PCDH15: variants seen among roughly 807,000 people sequenced by gnomAD.
PCDH15 encodes the protein protocadherin related 15.
A neutral mutation model predicts 178.5 loss-of-function variants in PCDH15; 129 were observed. The observed-to-expected ratio is 0.72, with a 90% confidence interval of 0.63 to 0.84. The LOEUF (loss-of-function observed/expected upper bound fraction) is 0.84. Among genes scored for constraint, PCDH15 ranks in the 40% least tolerant of loss-of-function variants. The pLI is 0.00. For synonymous variants in PCDH15, 800 were observed against 732.0 expected, an observed-to-expected ratio of 1.09 and a Z score of -1.50; for missense variants, 2,230 against 2,099.9, an observed-to-expected ratio of 1.06 and a Z score of -1.21.
At chr10:54,517,697 T>A (rs889854906) in intron 3 of PCDH15, among the ~76,000 whole-genome samples, 3 of 152,166 alleles carry the variant, frequency 2.0e-5, no homozygotes, top group African/African-American at 7.2e-5. Context: ...AACTCATCTC[T>A]GCACCAAGAG....
chr10:55,129,779 T>C (rs1240991999), intron 2 of PCDH15, among the ~76,000 whole-genome samples: 1 of 152,106 alleles, frequency 6.6e-6, no homozygotes, highest in Non-Finnish European at 1.5e-5. Context: ...TTTGCCCAAC[T>C]TGGTTCCAGG....
At chr10:54,568,439 A>T (rs889765011) in intron 2 of PCDH15, 1 of 152,088 alleles carries the variant, frequency 6.6e-6, no homozygotes, top group Non-Finnish European at 1.5e-5. Flanking sequence ...CAAAAAATGG[A>T]CTTTGTAGAC....
intron 3 of PCDH15, among the ~76,000 whole-genome samples, chr10:54,392,548 T>C (rs1170196972): frequency 1.3e-5 from 2 of 151,078 alleles, no homozygotes; most frequent in African/African-American, 4.9e-5. Flanking sequence ...TATACTTCTG[T>C]CCTTAGATCA....
chr10:54,176,934 G>A (rs1449263078), intron 13 of PCDH15, among the ~76,000 whole-genome samples: 1 of 145,086 alleles, frequency 6.9e-6, no homozygotes, highest in African/African-American at 2.7e-5. Context: ...TTACCAAAAG[G>A]ATTTGAAAAT....
chr10:54,653,831 CAGTT>C (rs777505786), intron 2 of PCDH15, among the ~76,000 whole-genome samples: 22 of 152,272 alleles, frequency 1.4e-4, no homozygotes, highest in Non-Finnish European at 2.6e-4. Context: ...AATGTTTTAA[CAGTT>C]AGTCAATTAG....
rs2086530690 is a variant in PCDH15, at chr10:53,945,890, T to C, written c.3123-4915A>G. 2.8e-5 allele frequency among the ~76,000 whole-genome samples: 4 copies of C among 144,296 alleles called. No individual in the cohort carries two copies. The South Asian group carries it at 8.8e-4, about 32-fold the overall frequency. 94.7% of individuals were successfully genotyped at this position (144,296 alleles called of 152,430 possible). ...ATATATATATATATATATCACATTT[T>C]CTTTATCCATTCATTCACTGATAGA... is the stretch of plus-strand genomic sequence containing the variant. On this transcript the variant is annotated intron_variant, in intron 23 of 37. Coordinates refer to ENST00000644397, the MANE Select transcript of PCDH15 (RefSeq NM_001384140.1).
intron 2 of PCDH15, among the ~76,000 whole-genome samples, chr10:54,995,838 T>A (rs1839630156): frequency 6.6e-6 from 1 of 152,050 alleles, no homozygotes; most frequent in African/African-American, 2.4e-5. Flanking sequence ...ACCTGTTGTC[T>A]GTTGACAAAC....
intron 27 of PCDH15, among the ~76,000 whole-genome samples, chr10:53,862,663 G>A (rs1405590252): frequency 1.3e-5 from 2 of 152,050 alleles, no homozygotes; most frequent in African/African-American, 4.8e-5. Flanking sequence ...TCCATTTTGT[G>A]TAAATGCCTA....
chr10:54,993,773 A>G (rs1483215693), intron 2 of PCDH15, among the ~76,000 whole-genome samples: 4 of 152,172 alleles, frequency 2.6e-5, no homozygotes, highest in African/African-American at 7.2e-5. Context: ...TTAGTAATAC[A>G]GAAATGAGAA....
At chr10:55,159,388 T>TATACACAC (rs1465817928) in intron 2 of PCDH15, among the ~76,000 whole-genome samples, 40 of 19,320 alleles carry the variant, frequency 2.1e-3, no homozygotes, top group Non-Finnish European at 7.9e-3. Context: ...TATATATATA[T>TATACACAC]ACACACATAC....
intron 1 of PCDH15, among the ~76,000 whole-genome samples, chr10:54,675,208 C>T (rs1170104509): frequency 1.3e-5 from 2 of 151,780 alleles, no homozygotes; most frequent in Non-Finnish European, 2.9e-5. Flanking sequence ...ATATTGTATC[C>T]TATTAAAATG....
intron 2 of PCDH15, chr10:55,597,142 G>A (rs539779252): frequency 7.9e-5 from 12 of 152,256 alleles, no homozygotes; most frequent in African/African-American, 2.6e-4. Flanking sequence ...CTGCGGAATC[G>A]ATTGTGGCTG....
At chr10:54,617,958 A>C (rs1432947636) in intron 2 of PCDH15, among the ~76,000 whole-genome samples, 1 of 151,730 alleles carries the variant, frequency 6.6e-6, no homozygotes. Flanking sequence ...AAGAGTAAGA[A>C]TAGGAGAAAG....
chr10:54,503,218 CAT>C (rs200118609), intron 3 of PCDH15, among the ~76,000 whole-genome samples: 18 of 104,832 alleles, frequency 1.7e-4, no homozygotes, highest in African/African-American at 2.3e-4. Flanking sequence ...GCCAAATATA[CAT>C]ATATATGTGT....
rs73261416 is a variant in PCDH15, at chr10:55,566,549, T to C, written c.-156+61076A>G. Among the ~76,000 whole-genome samples the C allele has an allele frequency of 3.2e-3, 484 of 151,826 alleles. 3 individuals carry two copies. Among genetic ancestry groups the C allele is most frequent in the African/African-American group, 0.011 (462 of 41,534 alleles). On this transcript the variant is annotated intron_variant, in intron 2 of 5. Coordinates refer to the PCDH15 transcript ENST00000613346. ...ATCTTTGTTTACAGAGAATATAATC[T>C]TATTTATAGAAAACGCTGAAAATTC...
rs1474676036 is a variant in PCDH15 at position 54,014,608 on chromosome 10, T to C, written c.2751+5584A>G. 3.3e-5 allele frequency among the ~76,000 whole-genome samples: 5 copies of C among 152,152 alleles called. No homozygotes were observed. The East Asian group carries it at 7.7e-4, about 23-fold the overall frequency. ...CCTGGGATGCAAGGTTGGTTCAATA[T>C]AGGCAAATCAACAGAAGTGATTCAC... is the stretch of plus-strand genomic sequence containing the variant. On this transcript the variant is annotated intron_variant, in intron 20 of 37. Transcript: ENST00000644397.
At chr10:55,028,561 GC>G (rs1250681997) in intron 2 of PCDH15, among the ~76,000 whole-genome samples, 1 of 151,850 alleles carries the variant, frequency 6.6e-6, no homozygotes, top group Admixed American at 6.6e-5. Context: ...AATATTAAAA[GC>G]AAAAATATGG....
intron 37 of PCDH15, among the ~76,000 whole-genome samples, chr10:53,807,348 T>TGTTGA (rs1443119636): frequency 2.0e-5 from 3 of 152,150 alleles, no homozygotes; most frequent in Non-Finnish European, 1.5e-5. Context: ...AAAAATGTAT[T>TGTTGA]GTTGAGTTGG....
intron 8 of PCDH15, among the ~76,000 whole-genome samples, chr10:54,287,799 A>G (rs1227354627): frequency 6.6e-6 from 1 of 152,174 alleles, no homozygotes; most frequent in African/African-American, 2.4e-5. Flanking sequence ...AAATGAATAG[A>G]CAGTTGGGAT....
Sources: allele counts gnomAD v4.1 joint callset (sites outside exome capture counted in the v4.1 genomes callset), GRCh38; gene constraint gnomAD v4.1.1; transcripts MANE v1.5; gene names NCBI Gene and HGNC (gene_info 2026-07-23, HGNC 2026-07-21).